The following FOXP1 variants were observed in gnomAD, a reference collection of about 807,000 sequenced individuals.
FOXP1 encodes forkhead box protein P1.
Under a neutral mutation model 98.2 loss-of-function variants are expected in FOXP1, and 15 were observed. The observed-to-expected ratio is 0.15, with a 90% CI of 0.10 to 0.24. The LOEUF (loss-of-function observed/expected upper bound fraction) is 0.24, where lower values mean the gene tolerates loss of function less well. Ranked by LOEUF, FOXP1 falls within the 10% of genes least tolerant of loss-of-function variation. FOXP1 has a pLI of 1.00. For synonymous variants in FOXP1, 371 were observed against 314.5 expected (o/e 1.18, Z -1.90); for missense variants, 633 against 848.5 (o/e 0.75, Z 3.15).
intron 3 of FOXP1, among the ~76,000 whole-genome samples, chr3:71,427,578 C>T (rs980646111): frequency 7.2e-5 from 11 of 152,080 alleles, no homozygotes; most frequent in African/African-American, 2.7e-4. Context: ...TTGGGTTCTT[C>T]CAGGAGGGAC....
chr3:71,375,432 G>A (rs924954842), intron 3 of FOXP1, among the ~76,000 whole-genome samples: 7 of 152,128 alleles, frequency 4.6e-5, no homozygotes, highest in African/African-American at 7.2e-5. Flanking sequence ...ATTTAATGAT[G>A]TATATACACG....
intron 4 of FOXP1, among the ~76,000 whole-genome samples, chr3:71,317,328 C>G (rs1191538686): frequency 2.0e-5 from 3 of 152,192 alleles, no homozygotes; most frequent in Non-Finnish European, 4.4e-5. Context: ...CACGCTGTCA[C>G]TTGATCAGGT....
intron 2 of FOXP1, among the ~76,000 whole-genome samples, chr3:71,548,794 A>AATAAAAAGAC (rs2045560521): frequency 6.6e-6 from 1 of 151,250 alleles, no homozygotes; most frequent in Admixed American, 6.6e-5. Flanking sequence ...ATGAAGTCAA[A>AATAAAAAGAC]ATAAAAAGAC....
intron 2 of FOXP1, among the ~76,000 whole-genome samples, chr3:71,527,351 T>C (rs751864894): frequency 6.6e-6 from 1 of 152,228 alleles, no homozygotes; most frequent in Non-Finnish European, 1.5e-5. Context: ...GACAGAGCCC[T>C]GCCTTCCAGA....
chr3:71,106,396 C>T (rs1448858365), intron 7 of FOXP1, among the ~76,000 whole-genome samples: 2 of 152,060 alleles, frequency 1.3e-5, no homozygotes, highest in Non-Finnish European at 2.9e-5. Context: ...AGTGCAGTGG[C>T]GTGATCTCGG....
intron 2 of FOXP1, among the ~76,000 whole-genome samples, chr3:71,513,042 G>T (rs1005127581): frequency 3.3e-5 from 5 of 152,106 alleles, no homozygotes; most frequent in African/African-American, 1.2e-4. Flanking sequence ...TGCTCCAGTA[G>T]CATTTACCAG....
chr3:71,432,908 T>C (rs942015176), intron 3 of FOXP1, among the ~76,000 whole-genome samples: 7 of 151,688 alleles, frequency 4.6e-5, no homozygotes, highest in African/African-American at 1.2e-4. Flanking sequence ...GAACTATTCT[T>C]TGCAATGTTT....
At chr3:71,366,674 C>T (rs2078952070) in intron 3 of FOXP1, among the ~76,000 whole-genome samples, 1 of 152,200 alleles carries the variant, frequency 6.6e-6, no homozygotes, top group Non-Finnish European at 1.5e-5. Context: ...CATTTCTACT[C>T]ATTTATTAAT....
intron 13 of FOXP1, among the ~76,000 whole-genome samples, chr3:70,993,918 C>T (rs548908324): frequency 8.6e-5 from 13 of 151,346 alleles, no homozygotes; most frequent in South Asian, 4.2e-4. Context: ...CGCTTGAACC[C>T]GGGAGGTGGA....
rs188134773 is a variant in FOXP1 at position 71,280,916 on chromosome 3, A to G, written c.-12+18904T>C. ...AAAATTAAACTGCATGCATTTCTGA[A>G]GGAACAAAGAGAGAAAACAGCTTGT... On this transcript the variant is annotated intron_variant, in intron 5 of 20. Coordinates refer to ENST00000649528, the MANE Select transcript of FOXP1 (RefSeq NM_001349338.3). Among the ~76,000 whole-genome samples, 289 of 152,200 alleles carry G rather than the reference A, an allele frequency of 1.9e-3. 1 individual carries two copies. The highest frequency in any genetic ancestry group is 3.7e-3 in the Admixed American group (57 of 15,290).
intron 4 of FOXP1, among the ~76,000 whole-genome samples, chr3:71,313,640 C>T (rs1453949417): frequency 3.3e-5 from 5 of 152,034 alleles, no homozygotes; most frequent in Admixed American, 1.3e-4. Context: ...ATTCTCCTGC[C>T]TCAGCCTCCC....
intron 5 of FOXP1, among the ~76,000 whole-genome samples, chr3:71,234,738 A>G (rs1356842925): frequency 6.6e-6 from 1 of 152,224 alleles, no homozygotes; most frequent in Non-Finnish European, 1.5e-5. Flanking sequence ...CATTAGGCCA[A>G]CTGTGGATAA....
intron 3 of FOXP1, among the ~76,000 whole-genome samples, chr3:71,439,456 C>T (rs1438704848): frequency 1.3e-5 from 2 of 152,126 alleles, no homozygotes; most frequent in African/African-American, 2.4e-5. Context: ...AATAGAATTA[C>T]CACATGATCC....
intron 12 of FOXP1, among the ~76,000 whole-genome samples, chr3:71,009,322 T>G (rs866934260): frequency 6.6e-6 from 1 of 152,080 alleles, no homozygotes; most frequent in Non-Finnish European, 1.5e-5. Context: ...TACAGCAAAC[T>G]GTGGTCCAAG....
intron 5 of FOXP1, among the ~76,000 whole-genome samples, chr3:71,270,760 T>G (rs1040301876): frequency 1.3e-5 from 2 of 152,216 alleles, no homozygotes; most frequent in Non-Finnish European, 2.9e-5. Context: ...AGTGGACACC[T>G]TGGCCAATAA....
At chr3:71,412,932 C>T (rs2082869546) in intron 3 of FOXP1, among the ~76,000 whole-genome samples, 1 of 152,106 alleles carries the variant, frequency 6.6e-6, no homozygotes, top group Non-Finnish European at 1.5e-5. Context: ...AATGTGCCGC[C>T]TGTGCACATA....
At chr3:71,468,750 A>G (rs2089033804) in intron 3 of FOXP1, among the ~76,000 whole-genome samples, 2 of 152,124 alleles carry the variant, frequency 1.3e-5, no homozygotes, top group Non-Finnish European at 2.9e-5. Flanking sequence ...TGACTCTTTC[A>G]TGGACTCTCA....
intron 7 of FOXP1, among the ~76,000 whole-genome samples, chr3:71,063,572 C>T (rs1050675510): frequency 2.0e-5 from 3 of 152,202 alleles, no homozygotes; most frequent in Non-Finnish European, 2.9e-5. Context: ...TTGCTTTAAA[C>T]TTTAAAAAAT....
Position 71,551,599 on chromosome 3 carries a change from T to C in FOXP1, c.-298+29950A>G, listed in dbSNP as rs1264867845. On this transcript the variant is annotated intron_variant, in intron 2 of 20. Coordinates refer to ENST00000649528, the MANE Select transcript of FOXP1 (RefSeq NM_001349338.3). ...GTTCAATACATAAACTTCTGGCATA[T>C]GAAACAAACATTCTATCTTTAGTTA... Among the ~76,000 whole-genome samples the C allele has an allele frequency of 7.9e-5, 12 of 152,312 alleles. No individual in the cohort carries two copies. The East Asian group carries it at 2.3e-3, about 29-fold the overall frequency.
Sources: gnomAD v4.1 joint callset for allele counts (sites outside exome capture counted in the v4.1 genomes callset) on GRCh38, gnomAD v4.1.1 for gene constraint, MANE v1.5 for transcripts, NCBI Gene and HGNC (gene_info 2026-07-23, HGNC 2026-07-21) for gene names.